TPH2: variants seen among roughly 807,000 people sequenced by gnomAD.
TPH2 encodes the protein tryptophan 5-hydroxylase 2.
Under a neutral mutation model 59.1 loss-of-function variants are expected in TPH2, and 27 were observed. The observed-to-expected ratio is 0.46, with a 90% CI of 0.34 to 0.63. The LOEUF (loss-of-function observed/expected upper bound fraction) is 0.63. Among genes scored for constraint, TPH2 ranks in the 30% least tolerant of loss-of-function variants. TPH2 has a pLI of 0.01. For synonymous variants in TPH2, 220 were observed against 210.5 expected (o/e 1.05, Z -0.39); for missense variants, 523 against 588.3 (o/e 0.89, Z 1.15).
In TPH2 at chr12:71,982,015, A is replaced by ATT. The variant is rs781612841; in HGVS notation, c.941+2944_941+2945dup. Among the ~76,000 whole-genome samples, 40 of 60,504 alleles carry ATT rather than the reference A, an allele frequency of 6.6e-4. 8 individuals are homozygous for ATT. In the South Asian group the frequency reaches 8.9e-3, roughly 13 times the overall value. 39.7% of individuals were successfully genotyped at this position (60,504 alleles called of 152,430 possible). A position where few individuals can be genotyped will look rare whatever the true frequency, so the allele number is the denominator to read the frequency against. ...TTTTTGTGGGTTTCATATCATTCGT[A>ATT]TTTTTTTTTTTTTTTTTAGACAGAG... On this transcript the variant is annotated intron_variant, in intron 7 of 10. Transcript: ENST00000333850.
At chr12:71,968,900 G>A (rs1362765362) in intron 5 of TPH2, among the ~76,000 whole-genome samples, 2 of 150,446 alleles carry the variant, frequency 1.3e-5, no homozygotes, top group South Asian at 2.1e-4. Flanking sequence ...GAGTCCTTAC[G>A]TAACTTTAGT....
chr12:72,009,965 A>G (rs1566160891), intron 8 of TPH2, among the ~76,000 whole-genome samples: 1 of 152,230 alleles, frequency 6.6e-6, no homozygotes, highest in Non-Finnish European at 1.5e-5. Flanking sequence ...AAATTTGCAG[A>G]AGTTACTCAA....
At chr12:72,012,954 A>T (rs1267482097) in intron 8 of TPH2, among the ~76,000 whole-genome samples, 1 of 152,240 alleles carries the variant, frequency 6.6e-6, no homozygotes, top group Non-Finnish European at 1.5e-5. Flanking sequence ...ACTTAAACAC[A>T]ATCACCCATT....
chr12:71,950,708 T>C (rs1871322162), intron 5 of TPH2, among the ~76,000 whole-genome samples: 1 of 152,202 alleles, frequency 6.6e-6, no homozygotes, highest in African/African-American at 2.4e-5. Flanking sequence ...AGATTCGTCC[T>C]ACCCCAATTG....
intron 6 of TPH2, among the ~76,000 whole-genome samples, chr12:71,973,739 C>T (rs78211191): frequency 6.6e-6 from 1 of 152,212 alleles, no homozygotes; most frequent in African/African-American, 2.4e-5. Context: ...CAAGAATCCT[C>T]ACTTGGGGTC....
intron 8 of TPH2, among the ~76,000 whole-genome samples, chr12:71,995,885 T>C (rs143314051): frequency 6.6e-6 from 1 of 152,232 alleles, no homozygotes; most frequent in Non-Finnish European, 1.5e-5. Context: ...AAAATATATT[T>C]GTAGACTGAA....
At position 72,011,610 on chromosome 12, in the gene TPH2, G is replaced by C. The variant is rs182205623; in HGVS notation, c.1069-10789G>C. The stretch of plus-strand genomic sequence containing the variant: ...CATTTTCCCTGGCAAGTCTCCAGTT[G>C]GCTACAACCTTCAAAAGCAGCAAAC... On this transcript the variant is annotated intron_variant, in intron 8 of 10. Coordinates refer to ENST00000333850, the MANE Select transcript of TPH2 (RefSeq NM_173353.4). Among the ~76,000 whole-genome samples the C allele has an allele frequency of 5.9e-3, 895 of 152,232 alleles. 29 individuals carry two copies. The highest frequency in any genetic ancestry group is 0.05 in the Admixed American group (759 of 15,292).
At chr12:72,002,045 A>G (rs1353393199) in intron 8 of TPH2, among the ~76,000 whole-genome samples, 1 of 152,212 alleles carries the variant, frequency 6.6e-6, no homozygotes, top group East Asian at 1.9e-4. Context: ...CTAAGAGAGT[A>G]ACTTTCAAAA....
At chr12:72,023,896 A>G (rs1873498711) in intron 9 of TPH2, among the ~76,000 whole-genome samples, 1 of 151,768 alleles carries the variant, frequency 6.6e-6, no homozygotes, top group Non-Finnish European at 1.5e-5. Context: ...GGTGCTTTAG[A>G]CATATTAACC....
chr12:71,970,609 A>G (rs1012918907), intron 5 of TPH2, among the ~76,000 whole-genome samples: 2 of 152,200 alleles, frequency 1.3e-5, no homozygotes, highest in South Asian at 2.1e-4. Flanking sequence ...GGCTTACCCA[A>G]CTCAAACAGA....
intron 8 of TPH2, among the ~76,000 whole-genome samples, chr12:72,004,619 T>C (rs1002668144): frequency 6.6e-6 from 1 of 152,192 alleles, no homozygotes; most frequent in Non-Finnish European, 1.5e-5. Context: ...TAAAGATGTA[T>C]AAAAGAAAGG....
intron 5 of TPH2, among the ~76,000 whole-genome samples, chr12:71,971,700 G>A (rs1333992335): frequency 6.6e-6 from 1 of 152,230 alleles, no homozygotes; most frequent in Admixed American, 6.5e-5. Context: ...AGTCCAGCAC[G>A]GTGTCTCAAT....
intron 7 of TPH2, among the ~76,000 whole-genome samples, chr12:71,989,509 G>A (rs557508466): frequency 6.6e-6 from 1 of 152,048 alleles, no homozygotes; most frequent in South Asian, 2.1e-4. Flanking sequence ...CCTTCTCTTC[G>A]TGATTTAGCT....
chr12:71,956,419 TCTCC>T (rs111895824), intron 5 of TPH2, among the ~76,000 whole-genome samples: 15 of 138,950 alleles, frequency 1.1e-4, no homozygotes, highest in African/African-American at 3.5e-4. Flanking sequence ...TCCTTCCCTC[TCTCC>T]CTCCCTCCCT....
rs4760751 is a variant in TPH2 at position 71,984,138 on chromosome 12, A to C, written c.941+5051A>C. Among the ~76,000 whole-genome samples the C allele has an allele frequency of 2.2e-4, 34 of 152,108 alleles. 1 individual carries two copies. The highest frequency in any genetic ancestry group is 2.1e-3 in the Admixed American group (32 of 15,278). ...GACTAATATTGCAACTTATATTGCCATAATACAATGAAATACATTTGTATT... is the reference window on the plus strand; with the variant it reads ...GACTAATATTGCAACTTATATTGCCCTAATACAATGAAATACATTTGTATT... On this transcript the variant is annotated intron_variant, in intron 7 of 10. Transcript: ENST00000333850.
At chr12:71,982,460 T>A (rs1399993414) in intron 7 of TPH2, among the ~76,000 whole-genome samples, 3 of 152,220 alleles carry the variant, frequency 2.0e-5, no homozygotes, top group African/African-American at 7.2e-5. Context: ...AGTTTCCATT[T>A]CATCCTTCCA....
intron 4 of TPH2, among the ~76,000 whole-genome samples, chr12:71,945,822 T>G (rs543532963): frequency 6.6e-6 from 1 of 152,322 alleles, no homozygotes; most frequent in Admixed American, 6.5e-5. Flanking sequence ...ACAGACCTAA[T>G]TCAATTGCAT....
In TPH2 at chr12:72,014,852, A is replaced by G. The variant is rs574718226; in HGVS notation, c.1069-7547A>G. Among the ~76,000 whole-genome samples the G allele has an allele frequency of 2.6e-5, 4 of 152,284 alleles. No homozygotes were observed. In the South Asian group the frequency reaches 6.2e-4, roughly 24 times the overall value. On this transcript the variant is annotated intron_variant, in intron 8 of 10. Coordinates refer to ENST00000333850, the MANE Select transcript of TPH2 (RefSeq NM_173353.4). ...AATTGATGTCTGGTGGGAGGTTTGG[A>G]TGAACGATGTTGGGATAGATATTTC...
At chr12:71,941,827 T>G (rs1871078366) in intron 2 of TPH2, 94 bp downstream of exon 2, 2 of 1,344,142 alleles carry the variant, frequency 1.5e-6, no homozygotes, top group Non-Finnish European at 2.1e-6. Flanking sequence ...AATCAATTTC[T>G]GGATAATGTG....
Sources: gnomAD v4.1 joint callset for allele counts (sites outside exome capture counted in the v4.1 genomes callset) on GRCh38, gnomAD v4.1.1 for gene constraint, MANE v1.5 for transcripts, NCBI Gene and HGNC (gene_info 2026-07-23, HGNC 2026-07-21) for gene names.